IPO7: variants seen among roughly 807,000 people sequenced by gnomAD.
IPO7 encodes the protein importin 7, also known as importin-7.
In IPO7, 13 loss-of-function variants were observed where a neutral mutation model predicts 136.4. The observed-to-expected ratio is 0.10, with a 90% CI of 0.06 to 0.15. The LOEUF (loss-of-function observed/expected upper bound fraction) is 0.15. Among genes scored for constraint, IPO7 ranks in the 10% least tolerant of loss-of-function variants. The probability of loss-of-function intolerance (pLI) is 1.00; values close to 1 mark genes in which losing one functional copy is unlikely to be tolerated. For missense variants in IPO7, 857 were observed against 1,240.6 expected, an observed-to-expected ratio of 0.69 and a Z score of 4.65; for synonymous variants, 403 against 404.4, an observed-to-expected ratio of 1.00 and a Z score of 0.04.
chr11:9,402,953 C>G (rs929386003), intron 1 of IPO7: 9 of 247,096 alleles, frequency 3.6e-5, no homozygotes, highest in Non-Finnish European at 5.4e-5. Context: ...CCTGGGGAGG[C>G]GGAGGTTGCA....
intron 22 of IPO7, 67 bp downstream of exon 22, chr11:9,438,352 C>A (rs1242681827): frequency 9.8e-7 from 1 of 1,019,820 alleles, no homozygotes; most frequent in Non-Finnish European, 1.5e-6. Flanking sequence ...CTGGGCCGGG[C>A]GCAGTGGCTC....
chr11:9,434,628 A>C (rs1212755849), intron 18 of IPO7, among the ~76,000 whole-genome samples: 1 of 152,192 alleles, frequency 6.6e-6, no homozygotes, highest in African/African-American at 2.4e-5. Context: ...CTGTCTCTAA[A>C]AAAAACTTTT....
Position 9,428,550 on chromosome 11 carries a change from A to T in IPO7, c.1346A>T (p.Tyr449Phe). Residue 449 changes from tyrosine to phenylalanine, a missense_variant, in exon 13 of 25, where the codon TAT becomes TTT. Coordinates refer to ENST00000379719, the MANE Select transcript of IPO7 (RefSeq NM_006391.3). ...LAEILLKKKI[Y>F]KDQMEYMLQN... ...TGTTTATATTTACAGAAAAAGATCT[A>T]TAAAGATCAGATGGAATACATGTTG... 1 of 1,473,034 alleles carries T rather than the reference A, an allele frequency of 6.8e-7. No individual in the cohort carries two copies. Among genetic ancestry groups the T allele is most frequent in the Non-Finnish European group, 9.3e-7 (1 of 1,069,650 alleles). 91.2% of individuals were successfully genotyped at this position (1,473,034 alleles called of 1,614,324 possible).
At chr11:9,391,940 T>G (rs10840231) in intron 1 of IPO7, among the ~76,000 whole-genome samples, 149,550 of 151,740 alleles carry the variant, frequency 0.99, 73,730 homozygotes, top group Middle Eastern at 1. Context: ...CTAAGTTTTT[T>G]ATTTTTTGTA....
At chr11:9,424,782 G>T (rs1855180900) in intron 10 of IPO7, 132 bp from the exon 11 acceptor site, 1 of 622,612 alleles carries the variant, frequency 1.6e-6, no homozygotes, top group Non-Finnish European at 2.8e-6. Flanking sequence ...AAAAGACATT[G>T]AATTCTGCTT....
chr11:9,403,409 T>C (rs1854829540), intron 2 of IPO7, 38 bp downstream of exon 2: 2 of 1,461,050 alleles, frequency 1.4e-6, no homozygotes. Context: ...ATGTAATCTA[T>C]TGTTTAAAAG....
At chr11:9,387,158 C>T (rs1008501103) in intron 1 of IPO7, among the ~76,000 whole-genome samples, 1 of 152,174 alleles carries the variant, frequency 6.6e-6, no homozygotes, top group African/African-American at 2.4e-5. Context: ...ACGAATTATT[C>T]TATGATGTCT....
chr11:9,401,577 AAT>A (rs1854797354), intron 1 of IPO7, among the ~76,000 whole-genome samples: 1 of 151,184 alleles, frequency 6.6e-6, no homozygotes, highest in South Asian at 2.1e-4. Flanking sequence ...AAAAAAAAAA[AAT>A]CAGAAGCAAA....
At chr11:9,386,542 CTAAT>C (rs1300845057) in intron 1 of IPO7, among the ~76,000 whole-genome samples, 1 of 152,134 alleles carries the variant, frequency 6.6e-6, no homozygotes, top group African/African-American at 2.4e-5. Context: ...ATTATTTTGA[CTAAT>C]TATACTTGCA....
intron 16 of IPO7, 21 bp from the exon 17 acceptor site, chr11:9,433,548 GA>G (rs1855329159): frequency 6.3e-7 from 1 of 1,589,050 alleles, no homozygotes. Context: ...AACTGCATAT[GA>G]TTTTTTTTCT....
chr11:9,429,874 T>C, intron 15 of IPO7, 40 bp downstream of exon 15: 1 of 1,471,940 alleles, frequency 6.8e-7, no homozygotes, highest in East Asian at 2.4e-5. Flanking sequence ...AGCATTTTAA[T>C]GTAGCTCTCA....
rs1854827881 is a variant in IPO7 at position 9,403,291 on chromosome 11, C to T, written c.86C>T (p.Ala29Val). The change falls in exon 2 of 25, where the codon GCA becomes GTA. Residue 29 changes from alanine to valine, a missense_variant and splice_region_variant. Physicochemically the swap from Ala to Val is moderately conservative, Grantham distance 64. Transcript: ENST00000379719. ...REAAERQLNE[A>V]HKSLNFVSTL... Reference sequence around the variant, plus strand: ...AAAATGGACTTTTTTTCTTTGTAGGCACACAAGTCTCTGAATTTTGTCTCA... The same window carrying T: ...AAAATGGACTTTTTTTCTTTGTAGGTACACAAGTCTCTGAATTTTGTCTCA... The T allele has an allele frequency of 1.2e-6, 2 of 1,608,752 alleles. No homozygotes were observed. The highest frequency in any genetic ancestry group is 1.1e-5 in the South Asian group (1 of 90,718).
At chr11:9,402,399 C>CAA (rs71062846) in intron 1 of IPO7, among the ~76,000 whole-genome samples, 30 of 44,886 alleles carry the variant, frequency 6.7e-4, no homozygotes, top group Admixed American at 1.8e-3. Context: ...GACTGTGTCT[C>CAA]AAAAAAAAAA....
chr11:9,408,704 G>GTTTTTTTTT (rs377057603), intron 3 of IPO7, 65 bp downstream of exon 3: 7 of 173,320 alleles, frequency 4.0e-5, no homozygotes, highest in African/African-American at 1.9e-4. Flanking sequence ...TTGTTTTTTG[G>GTTTTTTTTT]TTTTTTTTTT....
At chr11:9,435,636 A>G (rs1016436355) in intron 19 of IPO7, among the ~76,000 whole-genome samples, 3 of 152,142 alleles carry the variant, frequency 2.0e-5, no homozygotes, top group Admixed American at 6.6e-5. Flanking sequence ...ACTGCCAATT[A>G]TATTATTTAT....
chr11:9,432,261 G>A (rs375830037), intron 16 of IPO7, among the ~76,000 whole-genome samples: 2 of 151,242 alleles, frequency 1.3e-5, no homozygotes, highest in East Asian at 3.9e-4. Flanking sequence ...GAGTGCAGTG[G>A]CGCCATCTTG....
chr11:9,402,373 C>T (rs1854810460), intron 1 of IPO7, among the ~76,000 whole-genome samples: 1 of 137,644 alleles, frequency 7.3e-6, no homozygotes, highest in South Asian at 2.3e-4. Flanking sequence ...GCACTCCAGC[C>T]CAGGCGACAG....
chr11:9,441,308 T>C (rs899229599), intron 23 of IPO7, among the ~76,000 whole-genome samples: 19 of 152,210 alleles, frequency 1.2e-4, no homozygotes, highest in Non-Finnish European at 2.5e-4. Flanking sequence ...TCCAGAATAC[T>C]AGGTTCTGGT....
chr11:9,395,276 T>C (rs1387380586), intron 1 of IPO7, among the ~76,000 whole-genome samples: 1 of 152,194 alleles, frequency 6.6e-6, no homozygotes, highest in African/African-American at 2.4e-5. Flanking sequence ...GGAGTTTCAC[T>C]CTTTTCGCCC....
Sources: allele counts gnomAD v4.1 joint callset (sites outside exome capture counted in the v4.1 genomes callset), GRCh38; gene constraint gnomAD v4.1.1; transcripts MANE v1.5; gene names NCBI Gene and HGNC (gene_info 2026-07-23, HGNC 2026-07-21).